Variants in GRK3 observed in about 807,000 individuals in gnomAD.
The protein encoded by GRK3 is G protein-coupled receptor kinase 3.
In GRK3, 54 loss-of-function variants were observed where a neutral mutation model predicts 95.7. The ratio of observed to expected loss-of-function variants is 0.56; its 90% CI spans 0.45 to 0.71. The LOEUF (loss-of-function observed/expected upper bound fraction) is 0.71. Among genes scored for constraint, GRK3 ranks in the 30% least tolerant of loss-of-function variants. The pLI is 0.00. For synonymous variants in GRK3, 281 were observed against 290.8 expected (o/e 0.97, Z 0.34); for missense variants, 649 against 851.2 (o/e 0.76, Z 2.96).
At chr22:25,685,131 C>A in intron 9 of GRK3, 39 bp from the exon 10 acceptor site, 3 of 1,428,444 alleles carry the variant, frequency 2.1e-6, no homozygotes, top group Non-Finnish European at 2.0e-6. Flanking sequence ...TTCTAGGCAG[C>A]TTTTGCTCTT....
intron 1 of GRK3, among the ~76,000 whole-genome samples, chr22:25,602,780 G>T (rs528037870): frequency 1.3e-5 from 2 of 152,248 alleles, no homozygotes; most frequent in African/African-American, 4.8e-5. Context: ...TAGAAAGCAG[G>T]TCAATAGTTG....
intron 2 of GRK3, among the ~76,000 whole-genome samples, chr22:25,637,368 C>T (rs112496409): frequency 1.6e-4 from 25 of 152,316 alleles, no homozygotes; most frequent in African/African-American, 5.5e-4. Context: ...CTCTTACTTG[C>T]TTATATGTTT....
intron 6 of GRK3, among the ~76,000 whole-genome samples, chr22:25,669,986 A>T (rs1422047559): frequency 2.6e-5 from 4 of 152,218 alleles, no homozygotes; most frequent in African/African-American, 9.6e-5. Flanking sequence ...CCATACTTTT[A>T]AAAAATAGGT....
intron 18 of GRK3, among the ~76,000 whole-genome samples, chr22:25,717,595 A>C (rs550087497): frequency 6.6e-6 from 1 of 152,180 alleles, no homozygotes. Flanking sequence ...TGACTGAATG[A>C]CTTTAGGACA....
At chr22:25,591,231 T>C (rs1379123105) in intron 1 of GRK3, among the ~76,000 whole-genome samples, 1 of 152,200 alleles carries the variant, frequency 6.6e-6, no homozygotes, top group African/African-American at 2.4e-5. Flanking sequence ...TTATGAAAGA[T>C]GCAACTCAGG....
intron 1 of GRK3, among the ~76,000 whole-genome samples, chr22:25,572,217 A>C (rs543449202): frequency 6.6e-6 from 1 of 152,266 alleles, no homozygotes; most frequent in African/African-American, 2.4e-5. Flanking sequence ...ATAGTATTCC[A>C]TGGTGTATAT....
intron 2 of GRK3, among the ~76,000 whole-genome samples, chr22:25,608,802 C>A (rs1256956284): frequency 6.6e-6 from 1 of 152,196 alleles, no homozygotes; most frequent in African/African-American, 2.4e-5. Context: ...AGCAGAGAAT[C>A]CAGTGGAACC....
intron 12 of GRK3, among the ~76,000 whole-genome samples, chr22:25,694,278 A>G (rs2085189138): frequency 6.6e-6 from 1 of 151,932 alleles, no homozygotes; most frequent in Non-Finnish European, 1.5e-5. Flanking sequence ...AGGGCATACA[A>G]CCTTTTGCCA....
intron 15 of GRK3, among the ~76,000 whole-genome samples, chr22:25,708,543 C>T (rs1171955232): frequency 2.0e-5 from 3 of 152,154 alleles, no homozygotes; most frequent in South Asian, 2.1e-4. Context: ...GGACTGACTA[C>T]AGGAGGACCC....
intron 1 of GRK3, among the ~76,000 whole-genome samples, chr22:25,574,625 A>T (rs1931825838): frequency 1.3e-5 from 2 of 152,212 alleles, no homozygotes; most frequent in South Asian, 2.1e-4. Flanking sequence ...CATCTTTTTT[A>T]AAAAATATGA....
At chr22:25,649,141 C>G in intron 3 of GRK3, 2 of 1,452,848 alleles carry the variant, frequency 1.4e-6, no homozygotes, top group Admixed American at 1.7e-5. Flanking sequence ...AAGAAGGACC[C>G]TGATGAAAGA....
chr22:25,702,305 G>A (rs2085265253), intron 13 of GRK3, among the ~76,000 whole-genome samples: 1 of 152,214 alleles, frequency 6.6e-6, no homozygotes, highest in Admixed American at 6.5e-5. Context: ...CTCAGTAGCA[G>A]TAAGTAGCAG....
At chr22:25,586,590 CAG>C (rs1226002399) in intron 1 of GRK3, among the ~76,000 whole-genome samples, 1 of 152,274 alleles carries the variant, frequency 6.6e-6, no homozygotes, top group African/African-American at 2.4e-5. Context: ...GCAGTAGGAA[CAG>C]AGGTGGGAGG....
At position 25,648,404 on chromosome 22, in the gene GRK3, A is replaced by T. The variant is rs574855552; in HGVS notation, c.264+3739A>T. On this transcript the variant is annotated intron_variant, in intron 3 of 20. Transcript: ENST00000324198. ...AACCTCAGATTCAAGGTCTAGCAAA[A>T]GATGCTTGGGAAATCCCTTGATAAT... 6.2e-5 allele frequency: 80 copies of T among 1,289,528 alleles called. No individual in the cohort carries two copies. In the African/African-American group the frequency reaches 9.3e-4, roughly 15 times the overall value. The allele number at this position is 1,289,528 out of a possible 1,614,324, so 79.9% of individuals were successfully genotyped here.
chr22:25,689,687 G>T (rs1292266369), intron 11 of GRK3, among the ~76,000 whole-genome samples: 1 of 152,174 alleles, frequency 6.6e-6, no homozygotes, highest in Middle Eastern at 3.2e-3. Context: ...CACTTATTGG[G>T]ATTAGTGTGG....
chr22:25,614,078 C>T (rs2084519438), intron 2 of GRK3, among the ~76,000 whole-genome samples: 1 of 152,010 alleles, frequency 6.6e-6, no homozygotes, highest in African/African-American at 2.4e-5. Context: ...TCACTAGAAA[C>T]TATAGGAGCA....
intron 1 of GRK3, among the ~76,000 whole-genome samples, chr22:25,569,385 A>T (rs1931604182): frequency 6.6e-6 from 1 of 152,118 alleles, no homozygotes; most frequent in Admixed American, 6.5e-5. Context: ...TTAGAAATGG[A>T]TGTTCCGGTG....
intron 1 of GRK3, among the ~76,000 whole-genome samples, chr22:25,597,977 G>T (rs538070053): frequency 1.3e-5 from 2 of 152,208 alleles, no homozygotes; most frequent in Admixed American, 6.5e-5. Context: ...TGGAGGAAGT[G>T]TGTTGGGCAG....
intron 2 of GRK3, among the ~76,000 whole-genome samples, chr22:25,633,082 T>G (rs914524394): frequency 1.3e-5 from 2 of 151,972 alleles, no homozygotes; most frequent in African/African-American, 2.4e-5. Context: ...GGCTAATTTT[T>G]TTTTTTGTAT....
Sources: allele counts gnomAD v4.1 joint callset (sites outside exome capture counted in the v4.1 genomes callset), GRCh38; gene constraint gnomAD v4.1.1; transcripts MANE v1.5; gene names NCBI Gene and HGNC (gene_info 2026-07-23, HGNC 2026-07-21).